Variants in NREP observed in about 807,000 individuals in gnomAD.
The protein encoded by NREP is neuronal regeneration related protein, also known as neuronal regeneration-related protein.
In NREP, 5 loss-of-function variants were observed where a neutral mutation model predicts 8.6. The ratio of observed to expected loss-of-function variants is 0.58; its 90% CI spans 0.30 to 1.22. The LOEUF is 1.22. Ranked by LOEUF, NREP falls within the 50% of genes most tolerant of loss-of-function variation. The pLI, the probability that NREP is intolerant of heterozygous loss-of-function variation, is 0.07. For missense variants in NREP, 86 were observed against 82.5 expected, an observed-to-expected ratio of 1.04 and a Z score of -0.17; for synonymous variants, 27 against 28.0, an observed-to-expected ratio of 0.96 and a Z score of 0.11.
intron 2 of NREP, among the ~76,000 whole-genome samples, chr5:111,806,143 G>A (rs753448598): frequency 7.0e-4 from 107 of 152,208 alleles, no homozygotes; most frequent in Admixed American, 1.8e-3. Context: ...AAAAGCTAGG[G>A]GTTAGGCTTA....
At chr5:111,746,829 T>C (rs1750036439) in intron 2 of NREP, among the ~76,000 whole-genome samples, 1 of 152,184 alleles carries the variant, frequency 6.6e-6, no homozygotes, top group Non-Finnish European at 1.5e-5. Context: ...CAAATTCTAA[T>C]TCTGTTAACA....
intron 2 of NREP, among the ~76,000 whole-genome samples, chr5:111,775,766 GACAA>G (rs1471043513): frequency 6.6e-6 from 1 of 151,980 alleles, no homozygotes; most frequent in Non-Finnish European, 1.5e-5. Flanking sequence ...AGAGGGAGAA[GACAA>G]ACAACAATTT....
intron 2 of NREP, among the ~76,000 whole-genome samples, chr5:111,962,878 T>C (rs1756517906): frequency 6.6e-6 from 1 of 152,182 alleles, no homozygotes; most frequent in Admixed American, 6.5e-5. Context: ...ATCCCTTCTC[T>C]AGCTCCCCTC....
At chr5:111,944,222 T>C (rs1381369792) in intron 2 of NREP, among the ~76,000 whole-genome samples, 1 of 152,144 alleles carries the variant, frequency 6.6e-6, no homozygotes, top group Non-Finnish European at 1.5e-5. Context: ...CCTTGGTTTA[T>C]CAGTACAATT....
At chr5:111,760,892 G>C (rs1365832121), upstream of NREP, among the ~76,000 whole-genome samples, 1 of 152,208 alleles carries the variant, frequency 6.6e-6, no homozygotes, top group Non-Finnish European at 1.5e-5. Flanking sequence ...TTCTCCCTTA[G>C]ATATGTCATT....
At chr5:111,975,185 G>A (rs1756926962) in intron 2 of NREP, 6 of 862,792 alleles carry the variant, frequency 7.0e-6, no homozygotes, top group Non-Finnish European at 1.1e-5. Context: ...GACTGCACCA[G>A]TTCAGGAATC....
chr5:111,874,492 A>C (rs1441898823), intron 2 of NREP, among the ~76,000 whole-genome samples: 1 of 152,146 alleles, frequency 6.6e-6, no homozygotes, highest in Non-Finnish European at 1.5e-5. Context: ...GGCCCAAGTG[A>C]GGGTAACCCT....
rs895971351 is a variant in NREP at position 111,924,570 on chromosome 5, G to A, written c.135+50704C>T. 4.6e-5 allele frequency among the ~76,000 whole-genome samples: 7 copies of A among 152,214 alleles called. No individual in the cohort carries two copies. The East Asian group carries it at 1.2e-3, about 25-fold the overall frequency. Reference sequence around the variant, plus strand: ...GGACTACTGAATGAATTGGGACTATGGCCTCAATGAGGCAGAGGTCCTGAA... The same window carrying A: ...GGACTACTGAATGAATTGGGACTATAGCCTCAATGAGGCAGAGGTCCTGAA... On this transcript the variant is annotated intron_variant, in intron 2 of 3. Coordinates refer to the NREP transcript ENST00000395634.
At chr5:111,934,145 T>C (rs190400991) in intron 2 of NREP, among the ~76,000 whole-genome samples, 3 of 152,180 alleles carry the variant, frequency 2.0e-5, no homozygotes, top group Admixed American at 6.5e-5. Context: ...TACCAGATGG[T>C]TGAGCTGCCA....
At chr5:111,830,215 C>A (rs539057997) in intron 2 of NREP, among the ~76,000 whole-genome samples, 8 of 152,028 alleles carry the variant, frequency 5.3e-5, no homozygotes, top group Non-Finnish European at 1.0e-4. Flanking sequence ...TCATGTGTGG[C>A]CCAAAAGAAT....
At chr5:111,881,824 C>A (rs1031056420) in intron 2 of NREP, among the ~76,000 whole-genome samples, 33 of 152,082 alleles carry the variant, frequency 2.2e-4, no homozygotes, top group African/African-American at 6.8e-4. Context: ...ACCAAAAACC[C>A]ATCTGTACAT....
At chr5:111,781,368 C>T (rs373679973) in intron 2 of NREP, among the ~76,000 whole-genome samples, 2 of 152,188 alleles carry the variant, frequency 1.3e-5, no homozygotes, top group African/African-American at 4.8e-5. Flanking sequence ...CATGGAAAGG[C>T]CACGTGTTTG....
intron 2 of NREP, among the ~76,000 whole-genome samples, chr5:111,954,438 GAT>G (rs887768004): frequency 5.8e-4 from 89 of 152,260 alleles, no homozygotes; most frequent in African/African-American, 2.0e-3. Flanking sequence ...TTTTACTAGT[GAT>G]ATGTTTTGGT....
intron 2 of NREP, chr5:111,975,213 G>A (rs1756928025): frequency 8.1e-7 from 1 of 1,237,062 alleles, no homozygotes; most frequent in Admixed American, 2.0e-5. Context: ...TGCATGTGAT[G>A]GAAACCCAAC....
At chr5:111,784,407 A>G (rs1751562192) in intron 2 of NREP, among the ~76,000 whole-genome samples, 1 of 152,162 alleles carries the variant, frequency 6.6e-6, no homozygotes, top group Non-Finnish European at 1.5e-5. Context: ...GCAGCTAGTT[A>G]TCTTTGCCTC....
At chr5:111,877,867 G>A (rs1285301917) in intron 2 of NREP, among the ~76,000 whole-genome samples, 1 of 152,158 alleles carries the variant, frequency 6.6e-6, no homozygotes, top group African/African-American at 2.4e-5. Context: ...ACCAACTAGT[G>A]TTACCAGGTA....
chr5:111,793,937 T>A (rs928607685), intron 2 of NREP, among the ~76,000 whole-genome samples: 2 of 151,876 alleles, frequency 1.3e-5, no homozygotes, highest in Non-Finnish European at 1.5e-5. Flanking sequence ...ATGCCTGTAG[T>A]CCCCCAGCTA....
chr5:111,808,947 T>G (rs1752206354), intron 2 of NREP, among the ~76,000 whole-genome samples: 1 of 152,206 alleles, frequency 6.6e-6, no homozygotes, highest in Non-Finnish European at 1.5e-5. Context: ...TACACTATTA[T>G]AATTATGTTA....
chr5:111,869,476 T>C (rs919097340), intron 2 of NREP, among the ~76,000 whole-genome samples: 31 of 152,204 alleles, frequency 2.0e-4, no homozygotes, highest in African/African-American at 7.5e-4. Context: ...TAGTAGTTAA[T>C]GAAGTTTTAA....
Sources: gnomAD v4.1 joint callset for allele counts (sites outside exome capture counted in the v4.1 genomes callset) on GRCh38, gnomAD v4.1.1 for gene constraint, MANE v1.5 for transcripts, NCBI Gene and HGNC (gene_info 2026-07-23, HGNC 2026-07-21) for gene names.